The following FHIP1A variants were observed in gnomAD, a reference collection of about 807,000 sequenced individuals.
FHIP1A encodes FHF complex subunit HOOK-interacting protein 1A.
Under a neutral mutation model 88.6 loss-of-function variants are expected in FHIP1A, and 61 were observed. The observed-to-expected ratio is 0.69, with a 90% CI of 0.56 to 0.85. The LOEUF is 0.85. FHIP1A is among the 40% of genes least tolerant of loss of function. The pLI is 0.00. For synonymous variants in FHIP1A, 478 were observed against 496.0 expected (o/e 0.96, Z 0.48); for missense variants, 1,154 against 1,273.5 (o/e 0.91, Z 1.43).
intron 1 of FHIP1A, among the ~76,000 whole-genome samples, chr4:151,430,059 G>A (rs1050371305): frequency 2.0e-5 from 3 of 152,140 alleles, no homozygotes; most frequent in Admixed American, 2.0e-4. Context: ...AATAAGAAGT[G>A]TGTTGTCTTT....
intron 3 of FHIP1A, among the ~76,000 whole-genome samples, chr4:151,537,707 C>T (rs1732121310): frequency 6.6e-6 from 1 of 152,128 alleles, no homozygotes; most frequent in Non-Finnish European, 1.5e-5. Context: ...CCTTAGAGAC[C>T]CTCTAACATT....
In FHIP1A at chr4:151,588,935, T is replaced by C; in HGVS notation, c.978+9T>C. ...CTCCTGCTCTCCATAAGGTCAGTGA[T>C]TGGCTCATGTAATCTTCTGTCTCTA... On this transcript the variant is annotated intron_variant, in intron 7 of 13. Transcript: ENST00000435205. 2.0e-6 allele frequency: 3 copies of C among 1,504,362 alleles called. No homozygotes were observed. The highest frequency in any genetic ancestry group is 2.7e-6 in the Non-Finnish European group (3 of 1,103,906). The allele number at this position is 1,504,362 out of a possible 1,614,324, so 93.2% of individuals were successfully genotyped here.
intron 1 of FHIP1A, among the ~76,000 whole-genome samples, chr4:151,442,529 A>G (rs1391820378): frequency 1.3e-5 from 2 of 151,990 alleles, no homozygotes. Context: ...ATGGGTCAGC[A>G]TATTTATACA....
chr4:151,454,963 T>C (rs1398948564), intron 2 of FHIP1A, among the ~76,000 whole-genome samples, 155 bp downstream of exon 2: 1 of 152,140 alleles, frequency 6.6e-6, no homozygotes, highest in East Asian at 1.9e-4. Flanking sequence ...AAAACAAAAA[T>C]CATTCTTCAC....
chr4:151,605,929 G>T (rs937368477), intron 7 of FHIP1A, among the ~76,000 whole-genome samples: 1 of 152,166 alleles, frequency 6.6e-6, no homozygotes, highest in Non-Finnish European at 1.5e-5. Flanking sequence ...TTACTGGCTA[G>T]GCATATTTTG....
intron 3 of FHIP1A, among the ~76,000 whole-genome samples, chr4:151,557,499 CATAG>C (rs1192139439): frequency 2.0e-5 from 3 of 152,154 alleles, no homozygotes; most frequent in African/African-American, 7.2e-5. Flanking sequence ...ATTAAAGAAG[CATAG>C]ATAGCCTGAA....
Position 151,478,560 on chromosome 4 carries a change from A to G in FHIP1A, c.-247-3964A>G, listed in dbSNP as rs546229222. 3.3e-5 allele frequency among the ~76,000 whole-genome samples: 5 copies of G among 152,152 alleles called. No homozygotes were observed. The South Asian group carries it at 6.2e-4, about 19-fold the overall frequency. ...GTTTTTCACCAAGAATGCCGTATAT[A>G]CTTCCTGAAGTATGTTTCTTGGAGG... On this transcript the variant is annotated intron_variant, in intron 2 of 13. Coordinates refer to ENST00000435205, the MANE Select transcript of FHIP1A (RefSeq NM_001109977.3).
chr4:151,527,496 C>CCT (rs1731720786), intron 3 of FHIP1A, among the ~76,000 whole-genome samples: 1 of 152,022 alleles, frequency 6.6e-6, no homozygotes, highest in Non-Finnish European at 1.5e-5. Flanking sequence ...TTCGGCTCGG[C>CCT]ATCAGAGGGA....
chr4:151,452,777 CA>C (rs112360226), intron 1 of FHIP1A, among the ~76,000 whole-genome samples: 72,822 of 135,718 alleles, frequency 0.54, 18,107 homozygotes, highest in Non-Finnish European at 0.56. Context: ...GACTCTGTCT[CA>C]AAAAAAAAAA....
intron 3 of FHIP1A, among the ~76,000 whole-genome samples, chr4:151,519,659 T>G (rs1416167053): frequency 6.6e-6 from 1 of 152,194 alleles, no homozygotes; most frequent in African/African-American, 2.4e-5. Flanking sequence ...CTGTTTCTTT[T>G]GGGTAAATAC....
intron 8 of FHIP1A, among the ~76,000 whole-genome samples, chr4:151,632,942 A>C (rs1736211122): frequency 6.6e-6 from 1 of 151,980 alleles, no homozygotes; most frequent in Admixed American, 6.6e-5. Flanking sequence ...AACTAAACTC[A>C]AAGTTAGCAG....
intron 7 of FHIP1A, among the ~76,000 whole-genome samples, chr4:151,621,188 T>A (rs1735728850): frequency 6.6e-6 from 1 of 152,154 alleles, no homozygotes; most frequent in Non-Finnish European, 1.5e-5. Flanking sequence ...TGCTGTCCCC[T>A]CATTTTTGTG....
intron 9 of FHIP1A, among the ~76,000 whole-genome samples, chr4:151,646,202 A>G (rs538639226): frequency 6.6e-6 from 1 of 152,308 alleles, no homozygotes; most frequent in East Asian, 1.9e-4. Context: ...GTGACACTGA[A>G]GCTGGACTTT....
chr4:151,565,926 C>T (rs1733368279), intron 3 of FHIP1A, among the ~76,000 whole-genome samples: 1 of 151,916 alleles, frequency 6.6e-6, no homozygotes, highest in African/African-American at 2.4e-5. Context: ...TTCATTTACT[C>T]ATGTATCTTA....
chr4:151,496,217 TTAAA>T (rs1384476531), intron 3 of FHIP1A, among the ~76,000 whole-genome samples: 1 of 150,424 alleles, frequency 6.6e-6, no homozygotes, highest in Non-Finnish European at 1.5e-5. Context: ...ATCTAGTACA[TTAAA>T]TAAACAAAAG....
At chr4:151,548,676 CT>C (rs1172372402) in intron 3 of FHIP1A, among the ~76,000 whole-genome samples, 1 of 152,034 alleles carries the variant, frequency 6.6e-6, no homozygotes, top group African/African-American at 2.4e-5. Context: ...AATCCTAGCA[CT>C]TTGGGAGGCT....
At chr4:151,556,708 AGAGATG>A (rs1223214137) in intron 3 of FHIP1A, among the ~76,000 whole-genome samples, 1 of 152,116 alleles carries the variant, frequency 6.6e-6, no homozygotes, top group East Asian at 1.9e-4. Flanking sequence ...ATTGAAAGGG[AGAGATG>A]GAGAGAGGGA....
intron 2 of FHIP1A, among the ~76,000 whole-genome samples, chr4:151,461,189 C>A (rs1471899440): frequency 6.6e-6 from 1 of 152,022 alleles, no homozygotes; most frequent in Non-Finnish European, 1.5e-5. Flanking sequence ...GCCAGCAGAA[C>A]CTATGTTCTG....
At position 151,594,607 on chromosome 4, in the gene FHIP1A, C is replaced by T. The variant is rs557344305; in HGVS notation, c.978+5681C>T. On this transcript the variant is annotated intron_variant, in intron 7 of 13. Transcript: ENST00000435205. Reference sequence around the variant, plus strand: ...CTTTTTTTTTTTTGAGATGGAATCTCGCTCTGTTGCCCAGGCTGGAGTGCA... The same window carrying T: ...CTTTTTTTTTTTTGAGATGGAATCTTGCTCTGTTGCCCAGGCTGGAGTGCA... 5.4e-5 allele frequency among the ~76,000 whole-genome samples: 8 copies of T among 148,220 alleles called. No individual in the cohort carries two copies. The South Asian group carries it at 1.3e-3, about 24-fold the overall frequency.
Sources: gnomAD v4.1 joint callset for allele counts (sites outside exome capture counted in the v4.1 genomes callset) on GRCh38, gnomAD v4.1.1 for gene constraint, MANE v1.5 for transcripts, NCBI Gene and HGNC (gene_info 2026-07-23, HGNC 2026-07-21) for gene names.